Variants in R3HDM4 observed in about 807,000 individuals in gnomAD.
The protein encoded by R3HDM4 is R3H domain-containing protein 4.
Under a neutral mutation model 31.3 loss-of-function variants are expected in R3HDM4, and 30 were observed. The observed-to-expected ratio is 0.96, with a 90% CI of 0.72 to 1.30. The LOEUF (loss-of-function observed/expected upper bound fraction) is 1.30. Among genes scored for constraint, R3HDM4 ranks in the 50% most tolerant of loss-of-function variants. R3HDM4 has a pLI of 0.00. For missense variants in R3HDM4, 444 were observed against 366.1 expected, an observed-to-expected ratio of 1.21 and a Z score of -1.74; for synonymous variants, 196 against 156.6, an observed-to-expected ratio of 1.25 and a Z score of -1.88.
intron 1 of R3HDM4, among the ~76,000 whole-genome samples, chr19:911,314 G>C (rs1166192203): frequency 1.3e-5 from 2 of 151,932 alleles, no homozygotes; most frequent in Non-Finnish European, 2.9e-5. Flanking sequence ...CGTGGTGGCG[G>C]GCGCCTGTAA....
At position 899,991 on chromosome 19, in the gene R3HDM4, T is replaced by G; in HGVS notation, c.561+70A>C. On this transcript the variant is annotated intron_variant, in intron 5 of 7. Transcript: ENST00000361574. This position sits in a 1 kb window ranked among gnomAD's most constrained non-coding sequence, Gnocchi z 6.8. ...ACGACCTGCACCGGGTGAGAACCTG[T>G]GCCTGGGAAACGGGCCTTCAAAAAA... is the stretch of plus-strand genomic sequence containing the variant. The G allele has an allele frequency of 6.8e-7, 1 of 1,466,554 alleles. No individual in the cohort carries two copies. Among genetic ancestry groups the G allele is most frequent in the Non-Finnish European group, 9.5e-7 (1 of 1,048,880 alleles). The allele number at this position is 1,466,554 out of a possible 1,614,324, so 90.8% of individuals were successfully genotyped here. A position where few individuals can be genotyped will look rare whatever the true frequency, so the allele number is the denominator to read the frequency against.
At chr19:898,730 C>T (rs2036779003) in intron 7 of R3HDM4, among the ~76,000 whole-genome samples, 1 of 152,166 alleles carries the variant, frequency 6.6e-6, no homozygotes, top group Non-Finnish European at 1.5e-5. Context: ...CCTCCTCTTC[C>T]GTGTCAGGAC....
Position 907,358 on chromosome 19 carries a change from C to T in R3HDM4, c.72-5228G>A, listed in dbSNP as rs369069674. ...TGCCCCAGATTCACCCACAGCCCCC[C>T]CTGAGGCCCCGGGGCCTACTTCTCC... On this transcript the variant is annotated intron_variant, in intron 1 of 7. Transcript: ENST00000361574. The surrounding 1 kb of genome is among the most constrained non-coding windows in gnomAD (Gnocchi z 4.1). Among the ~76,000 whole-genome samples the T allele has an allele frequency of 6.6e-6, 1 of 152,116 alleles. No individual in the cohort carries two copies.
intron 2 of R3HDM4, 93 bp downstream of exon 2, chr19:901,883 C>T: frequency 6.7e-7 from 1 of 1,500,078 alleles, no homozygotes; most frequent in Non-Finnish European, 9.1e-7. Context: ...CACCCAGGCA[C>T]AGCTCATGGG....
rs953052082 is a variant in R3HDM4 at position 899,074 on chromosome 19, C to T, written c.703+366G>A. ...GTCCCACGTGTGGTATGTGGGAGGCCTTAGAGTTAAATGCAAACCTTCCAG... is the reference window on the plus strand; with the variant it reads ...GTCCCACGTGTGGTATGTGGGAGGCTTTAGAGTTAAATGCAAACCTTCCAG... On this transcript the variant is annotated intron_variant, in intron 7 of 7. Coordinates refer to ENST00000361574, the MANE Select transcript of R3HDM4 (RefSeq NM_138774.4). This position sits in a 1 kb window ranked among gnomAD's most constrained non-coding sequence, Gnocchi z 6.8. 6.6e-6 allele frequency among the ~76,000 whole-genome samples: 1 copy of T among 152,056 alleles called. No homozygotes were observed. The highest frequency in any genetic ancestry group is 1.5e-5 in the Non-Finnish European group (1 of 67,994).
Position 900,901 on chromosome 19 carries a change from G to C in R3HDM4, c.403C>G (p.Arg135Gly). ...RSGEEQERVL[R>G]YLEDEGRSKA... Reference sequence around the variant, plus strand: ...CTCCTGCCCTCATCCTCCAGGTAGCGAAGAACCCGCTCCTGCTCCTCCCCG... The same window carrying C: ...CTCCTGCCCTCATCCTCCAGGTAGCCAAGAACCCGCTCCTGCTCCTCCCCG... Residue 135 changes from arginine to glycine, a missense_variant, in exon 4 of 8, where the codon CGC becomes GGC. Physicochemically the swap from Arg to Gly is moderately radical, Grantham distance 125. Coordinates refer to ENST00000361574, the MANE Select transcript of R3HDM4 (RefSeq NM_138774.4). The C allele has an allele frequency of 3.1e-6, 5 of 1,605,930 alleles. No individual in the cohort carries two copies. Among genetic ancestry groups the C allele is most frequent in the Non-Finnish European group, 3.4e-6 (4 of 1,177,692 alleles).
In R3HDM4 at chr19:899,549, C is replaced by A. The variant is rs375861055; in HGVS notation, c.647+52G>T. The A allele has an allele frequency of 9.9e-6, 16 of 1,612,404 alleles. No individual in the cohort carries two copies. The highest frequency in any genetic ancestry group is 1.2e-5 in the Non-Finnish European group (14 of 1,179,326). ...CAGGGGCTGCAGCGTGGGGTGTCCGCCCACCTGGCCGCAGCCTCGGAGGGT... is the reference window on the plus strand; with the variant it reads ...CAGGGGCTGCAGCGTGGGGTGTCCGACCACCTGGCCGCAGCCTCGGAGGGT... On this transcript the variant is annotated intron_variant, in intron 6 of 7. Transcript: ENST00000361574. The surrounding 1 kb of genome is among the most constrained non-coding windows in gnomAD (Gnocchi z 6.8).
At chr19:904,259 T>A (rs2036875654) in intron 1 of R3HDM4, among the ~76,000 whole-genome samples, 1 of 152,070 alleles carries the variant, frequency 6.6e-6, no homozygotes, top group South Asian at 2.1e-4. Flanking sequence ...CGATTTCCCG[T>A]CCCGCCTCGG....
intron 1 of R3HDM4, among the ~76,000 whole-genome samples, chr19:904,267 C>T (rs923468070): frequency 2.0e-5 from 3 of 152,170 alleles, no homozygotes; most frequent in Admixed American, 6.5e-5. Flanking sequence ...CGTCCCGCCT[C>T]GGACCTTCGC....
At chr19:901,594 C>T in intron 2 of R3HDM4, 48 bp from the exon 3 acceptor site, 1 of 1,577,654 alleles carries the variant, frequency 6.3e-7, no homozygotes, top group Non-Finnish European at 8.6e-7. Context: ...TTTGGGGACC[C>T]CCAGGCACCA....
At chr19:901,098 G>T (rs996728532) in intron 3 of R3HDM4, 146 bp from the exon 4 acceptor site, 4 of 1,097,598 alleles carry the variant, frequency 3.6e-6, no homozygotes, top group Non-Finnish European at 5.1e-6. Flanking sequence ...TGCTTGTGTC[G>T]GGCCCTGAGC....
intron 1 of R3HDM4, among the ~76,000 whole-genome samples, chr19:908,376 G>A (rs2036931847): frequency 6.6e-6 from 1 of 152,054 alleles, no homozygotes; most frequent in African/African-American, 2.4e-5. Flanking sequence ...GGAGGCTGAG[G>A]CAGGTGGATC....
In R3HDM4 at chr19:899,848, G is replaced by T. The variant is rs1172849865; in HGVS notation, c.562-162C>A. Among the ~76,000 whole-genome samples, 3 of 152,220 alleles carry T rather than the reference G, an allele frequency of 2.0e-5. No homozygotes were observed. The highest frequency in any genetic ancestry group is 7.2e-5 in the African/African-American group (3 of 41,532). On this transcript the variant is annotated intron_variant, in intron 5 of 7. Transcript: ENST00000361574. The surrounding 1 kb of genome is among the most constrained non-coding windows in gnomAD (Gnocchi z 6.8). ...CTCTGAGGCCACCATGCCACCTCCT[G>T]CCTGTGCCTTCCGTGGAGGAAACTC...
Position 897,100 on chromosome 19 carries a change from T to C in R3HDM4, c.*337A>G, listed in dbSNP as rs2145276125. 1 of 262,430 alleles carries C rather than the reference T, an allele frequency of 3.8e-6. No homozygotes were observed. The allele number at this position is 262,430 out of a possible 1,614,324, so 16.3% of individuals were successfully genotyped here. On this transcript the variant is annotated 3_prime_UTR_variant, in exon 8 of 8. Coordinates refer to ENST00000361574, the MANE Select transcript of R3HDM4 (RefSeq NM_138774.4). ...CAAATCACACCAAATTCATTAAAAGTGATAAAAACCCAGCCTCCCCCTCCT... is the reference window on the plus strand; with the variant it reads ...CAAATCACACCAAATTCATTAAAAGCGATAAAAACCCAGCCTCCCCCTCCT...
chr19:898,429 C>T (rs1296183751), intron 7 of R3HDM4, among the ~76,000 whole-genome samples: 2 of 137,900 alleles, frequency 1.5e-5, no homozygotes, highest in Non-Finnish European at 3.1e-5. Context: ...AAAAGAAACC[C>T]GTCTCTACTA....
chr19:898,855 C>T (rs1457798602), intron 7 of R3HDM4, among the ~76,000 whole-genome samples: 4 of 152,168 alleles, frequency 2.6e-5, no homozygotes, highest in South Asian at 2.1e-4. Context: ...AGGGAGGCAT[C>T]GTCCGGTTGC....
At chr19:905,423 T>C (rs954113319) in intron 1 of R3HDM4, among the ~76,000 whole-genome samples, 6 of 150,264 alleles carry the variant, frequency 4.0e-5, no homozygotes, top group East Asian at 2.0e-4. Flanking sequence ...GAGAATTGCT[T>C]GAACCCAGGA....
intron 1 of R3HDM4, among the ~76,000 whole-genome samples, chr19:904,596 A>G (rs916987913): frequency 1.3e-5 from 2 of 151,842 alleles, no homozygotes; most frequent in East Asian, 2.0e-4. Context: ...AGCTTTGGGA[A>G]GGTGAGGAGG....
At chr19:911,842 C>A (rs935904898) in intron 1 of R3HDM4, among the ~76,000 whole-genome samples, 2 of 152,008 alleles carry the variant, frequency 1.3e-5, no homozygotes, top group African/African-American at 4.8e-5. Flanking sequence ...GGTTTTAACC[C>A]ACAAGGGTTG....
Sources: allele counts gnomAD v4.1 joint callset (sites outside exome capture counted in the v4.1 genomes callset), GRCh38; gene constraint gnomAD v4.1.1; non-coding constraint Gnocchi (gnomAD v3.1); transcripts MANE v1.5; gene names NCBI Gene and HGNC (gene_info 2026-07-23, HGNC 2026-07-21).